Variants in VDAC1 observed in about 807,000 individuals in gnomAD.
The protein encoded by VDAC1 is voltage dependent anion channel 1, also known as non-selective voltage-gated ion channel VDAC1.
VDAC1 carries 10 observed loss-of-function variants against 34.7 expected under a neutral mutation model. The ratio of observed to expected loss-of-function variants is 0.29; its 90% CI spans 0.18 to 0.49. VDAC1 has a LOEUF of 0.49. VDAC1 is among the 20% of genes least tolerant of loss of function. The pLI, the probability that VDAC1 is intolerant of heterozygous loss-of-function variation, is 0.99. For synonymous variants in VDAC1, 130 were observed against 136.0 expected (o/e 0.96, Z 0.30); for missense variants, 230 against 347.9 (o/e 0.66, Z 2.69).
chr5:134,030,802 G>A, the VDAC1 span, among the ~76,000 whole-genome samples: 1 of 151,936 alleles, frequency 6.6e-6, no homozygotes, highest in Non-Finnish European at 1.5e-5. Flanking sequence ...GGGTTTTTTA[G>A]GGGTTTTACC....
chr5:134,076,481 C>T, the VDAC1 span, among the ~76,000 whole-genome samples: 1 of 152,196 alleles, frequency 6.6e-6, no homozygotes, highest in Non-Finnish European at 1.5e-5. Flanking sequence ...ATCTGCCCTC[C>T]CAGACCCTGA....
At chr5:133,975,829 G>GA (rs1752457172) in intron 7 of VDAC1, 42 bp downstream of exon 7, 2 of 1,608,256 alleles carry the variant, frequency 1.2e-6, no homozygotes, top group Non-Finnish European at 1.7e-6. Context: ...ATAAAGAGCA[G>GA]ATGGGCCTGC....
At chr5:134,021,766 C>T in the VDAC1 span, among the ~76,000 whole-genome samples, 1 of 152,204 alleles carries the variant, frequency 6.6e-6, no homozygotes, top group African/African-American at 2.4e-5. Context: ...GGGGGCCTAG[C>T]CCCTAGCCCC....
At chr5:134,046,111 C>T in the VDAC1 span, among the ~76,000 whole-genome samples, 10 of 151,618 alleles carry the variant, frequency 6.6e-5, no homozygotes, top group Middle Eastern at 6.8e-3. Context: ...CTGCAAGCTC[C>T]GCCTCCCGGG....
At chr5:134,081,498 C>G in the VDAC1 span, among the ~76,000 whole-genome samples, 2 of 152,120 alleles carry the variant, frequency 1.3e-5, no homozygotes, top group Non-Finnish European at 1.5e-5. Context: ...CAATTTAGTA[C>G]CAAATGTTTA....
intron 1 of VDAC1, among the ~76,000 whole-genome samples, chr5:133,997,779 G>A (rs908785756): frequency 2.1e-5 from 3 of 143,776 alleles, no homozygotes; most frequent in African/African-American, 5.1e-5. Context: ...ATGAAGCTAC[G>A]ATAGCCGTGC....
rs1752340009 is a variant in VDAC1, at chr5:133,972,591, A to G, written c.*180T>C. On this transcript the variant is annotated 3_prime_UTR_variant, in exon 9 of 9. Transcript: ENST00000265333. Reference sequence around the variant, plus strand: ...ACCACTGAAAGGACCTTTTTTGGAAATAGGTTTCTTCTGTACCTCTGGAAG... The same window carrying G: ...ACCACTGAAAGGACCTTTTTTGGAAGTAGGTTTCTTCTGTACCTCTGGAAG... 1.9e-6 allele frequency: 1 copy of G among 524,254 alleles called. No homozygotes were observed. Among genetic ancestry groups the G allele is most frequent in the Non-Finnish European group, 3.3e-6 (1 of 302,372 alleles). 32.5% of individuals were successfully genotyped at this position (524,254 alleles called of 1,614,324 possible). A position where few individuals can be genotyped will look rare whatever the true frequency, so the allele number is the denominator to read the frequency against.
the VDAC1 span, among the ~76,000 whole-genome samples, chr5:134,021,620 C>T: frequency 1.3e-5 from 2 of 150,776 alleles, no homozygotes; most frequent in African/African-American, 4.9e-5. Flanking sequence ...TCTTAAGAGA[C>T]ACAGGATGTC....
upstream of VDAC1, among the ~76,000 whole-genome samples, chr5:134,007,487 G>T (rs1245907401): frequency 1.3e-5 from 2 of 152,096 alleles, no homozygotes; most frequent in East Asian, 3.9e-4. Context: ...AGATCTGCAG[G>T]TGCCATAATC....
the VDAC1 span, among the ~76,000 whole-genome samples, chr5:134,038,234 G>C: frequency 4.6e-5 from 7 of 152,198 alleles, no homozygotes; most frequent in Admixed American, 3.3e-4. Context: ...ATTAGGAAAG[G>C]CCTCTGACAT....
chr5:134,096,155 G>A, the VDAC1 span, among the ~76,000 whole-genome samples: 11 of 152,272 alleles, frequency 7.2e-5, no homozygotes, highest in East Asian at 3.9e-4. Context: ...GGGATTGTGC[G>A]GGGCAGCCCC....
the VDAC1 span, among the ~76,000 whole-genome samples, chr5:134,069,292 A>G: frequency 1.3e-5 from 2 of 152,166 alleles, no homozygotes; most frequent in Non-Finnish European, 2.9e-5. Flanking sequence ...GCCCATTTCA[A>G]TGGGCTATAG....
the VDAC1 span, among the ~76,000 whole-genome samples, chr5:134,080,809 A>G: frequency 0.15 from 23,315 of 152,206 alleles, 2,391 homozygotes; most frequent in African/African-American, 0.3. Flanking sequence ...TTTAAAGTGT[A>G]TAACTGACAA....
chr5:133,980,653 A>AAC lies in VDAC1; in HGVS notation c.551+75_551+76insGT, dbSNP rs1554090879. ...CTTTCTTAAAAAAAAAAAAAAAAAA[A>AAC]CAGTGAAAAGCAATCCCCTTACCAC... On this transcript the variant is annotated intron_variant, in intron 6 of 8. Transcript: ENST00000265333. The AAC allele has an allele frequency of 7.1e-3, 6,748 of 951,776 alleles. 21 individuals carry two copies. Among genetic ancestry groups the AAC allele is most frequent in the Non-Finnish European group, 8.5e-3 (5,693 of 666,844 alleles). The allele number at this position is 951,776 out of a possible 1,614,324, so 59.0% of individuals were successfully genotyped here. A position where few individuals can be genotyped will look rare whatever the true frequency, so the allele number is the denominator to read the frequency against.
upstream of VDAC1, among the ~76,000 whole-genome samples, chr5:134,009,870 G>A (rs1753805381): frequency 6.6e-6 from 1 of 151,948 alleles, no homozygotes; most frequent in Admixed American, 6.6e-5. Context: ...TAGTAGAGAT[G>A]TGGTTTTGCC....
At chr5:134,045,500 G>C in the VDAC1 span, among the ~76,000 whole-genome samples, 1 of 152,044 alleles carries the variant, frequency 6.6e-6, no homozygotes, top group East Asian at 1.9e-4. Flanking sequence ...ACGTTCCTTG[G>C]CTTAGGACAT....
At chr5:134,101,509 G>A in the VDAC1 span, among the ~76,000 whole-genome samples, 3 of 150,980 alleles carry the variant, frequency 2.0e-5, no homozygotes, top group Non-Finnish European at 3.0e-5. Context: ...GCAGTGAGCC[G>A]AGATCCACCA....
chr5:134,075,744 C>T, the VDAC1 span, among the ~76,000 whole-genome samples: 85 of 151,146 alleles, frequency 5.6e-4, no homozygotes, highest in African/African-American at 1.9e-3. Context: ...CCACCAGGCC[C>T]GGCTAATTTT....
At chr5:134,113,598 A>C in the VDAC1 span, among the ~76,000 whole-genome samples, 5 of 152,250 alleles carry the variant, frequency 3.3e-5, no homozygotes, top group Admixed American at 6.5e-5. Flanking sequence ...CCCAGCACAG[A>C]AACCTGCTAG....
Sources: gnomAD v4.1 joint callset for allele counts (sites outside exome capture counted in the v4.1 genomes callset) on GRCh38, gnomAD v4.1.1 for gene constraint, MANE v1.5 for transcripts, NCBI Gene and HGNC (gene_info 2026-07-23, HGNC 2026-07-21) for gene names.